GPRC6A: variants seen among roughly 807,000 people sequenced by gnomAD.
GPRC6A encodes G protein-coupled receptor class C group 6 member A.
In GPRC6A, 54 loss-of-function variants were observed where a neutral mutation model predicts 47.0. The ratio of observed to expected loss-of-function variants is 1.15; its 90% CI spans 0.92 to 1.44. The LOEUF is 1.44. Ranked by LOEUF, GPRC6A falls within the 40% of genes most tolerant of loss-of-function variation. The pLI is 0.00. For missense variants in GPRC6A, 1,112 were observed against 1,105.5 expected, an observed-to-expected ratio of 1.01 and a Z score of -0.08; for synonymous variants, 347 against 377.1, an observed-to-expected ratio of 0.92 and a Z score of 0.93.
At chr6:116,797,995 T>C (rs1159016782) in intron 4 of GPRC6A, among the ~76,000 whole-genome samples, 2 of 152,246 alleles carry the variant, frequency 1.3e-5, no homozygotes, top group Non-Finnish European at 2.9e-5. Context: ...GTGTTCATTC[T>C]TTCATTCACC....
At chr6:116,800,882 G>T in intron 3 of GPRC6A, 86 bp from the exon 4 acceptor site, 2 of 753,226 alleles carry the variant, frequency 2.7e-6, no homozygotes, top group Non-Finnish European at 4.4e-6. Flanking sequence ...GCCTTATAAA[G>T]CATATCACTT....
At chr6:116,819,325 C>A (rs1243889494) in intron 1 of GPRC6A, among the ~76,000 whole-genome samples, 19 of 150,816 alleles carry the variant, frequency 1.3e-4, no homozygotes, top group Admixed American at 2.0e-4. Flanking sequence ...CAAGGATACC[C>A]AGGAATTGAA....
Position 116,800,672 on chromosome 6 carries a change from G to A in GPRC6A, c.1460C>T (p.Thr487Ile), listed in dbSNP as rs1391872600. Reference protein sequence around the residue: ...VLWKEINGHMTVTKMAEYDLQ... With the variant: ...VLWKEINGHMIVTKMAEYDLQ... Reference sequence around the variant, plus strand: ...GTCATATTCTGCCATCTTAGTGACAGTCATGTGTCCATTGATCTCCTTCCA... The same window carrying A: ...GTCATATTCTGCCATCTTAGTGACAATCATGTGTCCATTGATCTCCTTCCA... Residue 487 changes from threonine to isoleucine, a missense_variant, in exon 4 of 6, where the codon ACT becomes ATT. Transcript: ENST00000310357. 8.7e-6 allele frequency: 14 copies of A among 1,612,172 alleles called. No homozygotes were observed. The highest frequency in any genetic ancestry group is 1.2e-5 in the Non-Finnish European group (14 of 1,178,402).
In GPRC6A at chr6:116,809,507, G is replaced by A. The variant is rs1366039432; in HGVS notation, c.305C>T (p.Thr102Ile). The change falls in exon 2 of 6, where the codon ACT (threonine) becomes ATT (isoleucine). Residue 102 changes from threonine (T) to isoleucine (I), a missense_variant. Thr to Ile is a moderately conservative substitution (Grantham distance 89). Transcript: ENST00000310357. Reference sequence around the variant, plus strand: ...CATTGCCACTGTGACTTCTGTACAAGTGTCATAGATTTCATACCCCAGTTT... The same window carrying A: ...CATTGCCACTGTGACTTCTGTACAAATGTCATAGATTTCATACCCCAGTTT... Reference protein sequence around the residue: ...GVKLGYEIYDTCTEVTVAMAA... With the variant: ...GVKLGYEIYDICTEVTVAMAA... 6.2e-7 allele frequency: 1 copy of A among 1,613,420 alleles called. No homozygotes were observed. Among genetic ancestry groups the A allele is most frequent in the Non-Finnish European group, 8.5e-7 (1 of 1,179,570 alleles).
rs1772868305 is a variant in GPRC6A at position 116,807,010 on chromosome 6, G to C, written c.695C>G (p.Ala232Gly). Residue 232 changes from alanine to glycine, a missense_variant, in exon 3 of 6, where the codon GCT becomes GGT. Physicochemically the swap from Ala to Gly is moderately conservative, Grantham distance 60. Coordinates refer to ENST00000310357, the MANE Select transcript of GPRC6A (RefSeq NM_148963.4). ...GGCTATGCACACGTTATTTGCTTCA[G>C]CCTGAATTATAAAAGTGTTAAGAGC... ...RLALNTFIIQ[A>G]EANNVCIAFK... 1.2e-6 allele frequency: 2 copies of C among 1,613,602 alleles called. No homozygotes were observed. Among genetic ancestry groups the C allele is most frequent in the African/African-American group, 2.7e-5 (2 of 74,892 alleles).
rs1772362045 is a variant in GPRC6A, at chr6:116,792,967, T to C, written c.1956A>G (p.Gly652=). 1.2e-6 allele frequency: 2 copies of C among 1,613,944 alleles called. No individual in the cohort carries two copies. The highest frequency in any genetic ancestry group is 1.7e-6 in the Non-Finnish European group (2 of 1,179,970). ...LNFASTSFFI[G]EPQDFTCKTR... is the part of the protein sequence containing the mutation. ...TTTTACATGTGAAGTCTTGTGGTTC[T>C]CCAATGAAAAAGCTCGTGCTGGCAA... The change falls in exon 6 of 6, where the codon GGA becomes GGG. Residue 652 remains glycine (G), a synonymous_variant. Coordinates refer to ENST00000310357, the MANE Select transcript of GPRC6A (RefSeq NM_148963.4).
rs35974500 is a variant in GPRC6A, at chr6:116,818,532, TAAAAAAAA to T, written c.195-8923_195-8916del. ...CTGGGCGACAGAGCGAGACTCCGTC[TAAAAAAAA>T]AAAAAAAAAAAAAAAAAAAAAAAAA... On this transcript the variant is annotated intron_variant, in intron 1 of 5. Transcript: ENST00000310357. 5.5e-3 allele frequency among the ~76,000 whole-genome samples: 86 copies of T among 15,506 alleles called. 4 individuals carry two copies. Among genetic ancestry groups the T allele is most frequent in the Middle Eastern group, 0.14 (2 of 14 alleles). The allele number at this position is 15,506 out of a possible 152,430, so 10.2% of individuals were successfully genotyped here.
At chr6:116,811,195 C>T (rs1773012075) in intron 1 of GPRC6A, among the ~76,000 whole-genome samples, 1 of 152,118 alleles carries the variant, frequency 6.6e-6, no homozygotes. Context: ...GCACTTATGC[C>T]AGTCATGGCC....
chr6:116,821,798 G>T (rs893089659), intron 1 of GPRC6A, among the ~76,000 whole-genome samples: 2 of 151,346 alleles, frequency 1.3e-5, no homozygotes, highest in African/African-American at 4.9e-5. Flanking sequence ...ACATAGGCAT[G>T]GGCAAGGACT....
intron 4 of GPRC6A, among the ~76,000 whole-genome samples, chr6:116,796,874 T>TTTTA (rs1772504527): frequency 6.6e-6 from 1 of 152,062 alleles, no homozygotes; most frequent in East Asian, 1.9e-4. Flanking sequence ...CACAAAAGGA[T>TTTTA]TTTATTTATT....
Position 116,807,072 on chromosome 6 carries a change from A to T in GPRC6A, c.633T>A (p.Ile211=). The change falls in exon 3 of 6, where the codon ATT becomes ATA. Residue 211 remains isoleucine (I), a synonymous_variant. Transcript: ENST00000310357. ...HLIQKSGWNW[I]GIITTDDDYG... is the part of the protein sequence containing the mutation. ...AGTCATCATCTGTGGTTATGATGCC[A>T]ATCCAGTTCCAACCAGATTTCTGAA... 1.9e-6 allele frequency: 3 copies of T among 1,613,724 alleles called. No homozygotes were observed. The highest frequency in any genetic ancestry group is 2.5e-6 in the Non-Finnish European group (3 of 1,179,682).
chr6:116,802,336 T>A (rs1254874801), intron 3 of GPRC6A, among the ~76,000 whole-genome samples: 1 of 152,152 alleles, frequency 6.6e-6, no homozygotes, highest in Non-Finnish European at 1.5e-5. Context: ...AACTGCTTTT[T>A]CATATCATTT....
intron 1 of GPRC6A, among the ~76,000 whole-genome samples, chr6:116,820,803 C>G (rs1159306503): frequency 5.4e-5 from 8 of 149,246 alleles, no homozygotes; most frequent in African/African-American, 1.5e-4. Context: ...TGGCACAAGA[C>G]AGGGATGCCC....
intron 1 of GPRC6A, among the ~76,000 whole-genome samples, chr6:116,827,679 G>A (rs559677447): frequency 1.3e-5 from 2 of 152,036 alleles, no homozygotes; most frequent in African/African-American, 4.8e-5. Flanking sequence ...GCAATTGTGG[G>A]CCTCAACTCT....
chr6:116,800,563 AACGGCCTACAAC>A lies in GPRC6A; in HGVS notation c.1548+9_1548+20del. On this transcript the variant is annotated intron_variant, in intron 4 of 5. Coordinates refer to ENST00000310357, the MANE Select transcript of GPRC6A (RefSeq NM_148963.4). Reference sequence around the variant, plus strand: ...GTACCAATTGCTTTGAGTGCTACAAAACGGCCTACAACAAGGTTACCTTAAGATTCCTGAACT... The same window carrying A: ...GTACCAATTGCTTTGAGTGCTACAAAAAGGTTACCTTAAGATTCCTGAACT... 7 of 1,547,630 alleles carry A rather than the reference AACGGCCTACAAC, an allele frequency of 4.5e-6. No homozygotes were observed. The highest frequency in any genetic ancestry group is 5.4e-6 in the Non-Finnish European group (6 of 1,119,760).
chr6:116,816,856 T>C (rs1260742706), intron 1 of GPRC6A, among the ~76,000 whole-genome samples: 1 of 152,044 alleles, frequency 6.6e-6, no homozygotes, highest in Admixed American at 6.6e-5. Flanking sequence ...CACTACGAGA[T>C]TATATCCCGC....
At chr6:116,824,918 C>T (rs538002752) in intron 1 of GPRC6A, among the ~76,000 whole-genome samples, 27 of 152,066 alleles carry the variant, frequency 1.8e-4, no homozygotes, top group African/African-American at 6.0e-4. Flanking sequence ...ATCAACCATG[C>T]AAGGATAGTT....
chr6:116,815,980 A>C (rs1773191971), intron 1 of GPRC6A, among the ~76,000 whole-genome samples: 1 of 152,244 alleles, frequency 6.6e-6, no homozygotes, highest in African/African-American at 2.4e-5. Context: ...GGGAGGTCTC[A>C]GGACATACAC....
At chr6:116,798,612 C>T (rs1275952867) in intron 4 of GPRC6A, among the ~76,000 whole-genome samples, 2 of 152,048 alleles carry the variant, frequency 1.3e-5, no homozygotes, top group Non-Finnish European at 1.5e-5. Context: ...GGGGCTGGCG[C>T]GGTGGGTTAT....
Sources: gnomAD v4.1 joint callset for allele counts (sites outside exome capture counted in the v4.1 genomes callset) on GRCh38, gnomAD v4.1.1 for gene constraint, MANE v1.5 for transcripts, NCBI Gene and HGNC (gene_info 2026-07-23, HGNC 2026-07-21) for gene names.